Variants in LANCL1 observed in about 807,000 individuals in gnomAD.
LANCL1 encodes the protein glutathione S-transferase LANCL1.
LANCL1 carries 50 observed loss-of-function variants against 50.6 expected under a neutral mutation model. That is an observed-to-expected ratio of 0.99 (90% CI 0.79 to 1.25). The LOEUF (loss-of-function observed/expected upper bound fraction) is 1.25. LANCL1 is among the 50% of genes most tolerant of loss of function. The pLI is 0.00. For missense variants in LANCL1, 532 were observed against 480.7 expected, an observed-to-expected ratio of 1.11 and a Z score of -1.00; for synonymous variants, 188 against 178.6, an observed-to-expected ratio of 1.05 and a Z score of -0.42.
Position 210,444,265 on chromosome 2 carries a change from A to T in LANCL1, c.408-2822T>A, listed in dbSNP as rs1233779574. ...AACAATTGTTACCACCAGGCTATAGATACAGTGAGTGAAAACATCCTAGCT... is the reference window on the plus strand; with the variant it reads ...AACAATTGTTACCACCAGGCTATAGTTACAGTGAGTGAAAACATCCTAGCT... On this transcript the variant is annotated intron_variant, in intron 4 of 9. Transcript: ENST00000450366. 6.2e-4 allele frequency among the ~76,000 whole-genome samples: 95 copies of T among 152,210 alleles called. 2 individuals are homozygous for T.
chr2:210,454,617 T>G (rs1574428842), intron 4 of LANCL1, among the ~76,000 whole-genome samples: 1 of 152,266 alleles, frequency 6.6e-6, no homozygotes, highest in East Asian at 1.9e-4. Context: ...ACAATTAAAG[T>G]CTATTAGTAC....
chr2:210,441,546 G>C, intron 4 of LANCL1, 103 bp from the exon 5 acceptor site: 1 of 862,714 alleles, frequency 1.2e-6, no homozygotes, highest in South Asian at 2.0e-5. Context: ...CACAAAATAT[G>C]TATTTATACA....
chr2:210,476,329 T>C lies in LANCL1; in HGVS notation c.68A>G (p.Asp23Gly). The change falls in exon 2 of 10, where the codon GAT becomes GGT. Residue 23 changes from aspartate (D) to glycine (G), a missense_variant. Coordinates refer to ENST00000450366, the MANE Select transcript of LANCL1 (RefSeq NM_006055.3). ...YNKSLAEGYF[D>G]AAGRLTPEFS... ...TCCTAAACTCACCCTCCCGGCAGCA[T>C]CAAAGTAGCCTTCGGCCAGGGATTT... 2 of 1,613,688 alleles carry C rather than the reference T, an allele frequency of 1.2e-6. No individual in the cohort carries two copies. The highest frequency in any genetic ancestry group is 1.1e-5 in the South Asian group (1 of 91,072).
In LANCL1 at chr2:210,445,898, C is replaced by G. The variant is rs139507269; in HGVS notation, c.408-4455G>C. 3.9e-3 allele frequency among the ~76,000 whole-genome samples: 586 copies of G among 152,186 alleles called. 5 individuals are homozygous for G. The highest frequency in any genetic ancestry group is 0.013 in the African/African-American group (558 of 41,514). On this transcript the variant is annotated intron_variant, in intron 4 of 9. Coordinates refer to ENST00000450366, the MANE Select transcript of LANCL1 (RefSeq NM_006055.3). ...CCTTGTATTATCAAAAGGTTTGTAA[C>G]TTTAAAAACAGATGTCCAGTGTCTG...
At chr2:210,467,459 T>C (rs559463899) in intron 3 of LANCL1, among the ~76,000 whole-genome samples, 1 of 152,342 alleles carries the variant, frequency 6.6e-6, no homozygotes, top group East Asian at 1.9e-4. Context: ...TGAAGACCTT[T>C]ATAATGATCC....
intron 4 of LANCL1, among the ~76,000 whole-genome samples, chr2:210,443,817 G>A (rs1693224419): frequency 6.6e-6 from 1 of 151,146 alleles, no homozygotes; most frequent in Non-Finnish European, 1.5e-5. Context: ...TTTTCATATA[G>A]GAACTTTATC....
chr2:210,444,039 G>A (rs1237973398), intron 4 of LANCL1, among the ~76,000 whole-genome samples: 1 of 152,146 alleles, frequency 6.6e-6, no homozygotes, highest in African/African-American at 2.4e-5. Flanking sequence ...GTATGTATGT[G>A]TGTCTAAAGA....
At chr2:210,465,755 AG>A (rs1227679737) in intron 3 of LANCL1, among the ~76,000 whole-genome samples, 4 of 152,230 alleles carry the variant, frequency 2.6e-5, no homozygotes, top group Non-Finnish European at 5.9e-5. Context: ...CAGAAGCAGC[AG>A]CTTTTGCCAA....
At chr2:210,465,845 AC>A (rs1438182126) in intron 3 of LANCL1, among the ~76,000 whole-genome samples, 1 of 152,094 alleles carries the variant, frequency 6.6e-6, no homozygotes, top group African/African-American at 2.4e-5. Flanking sequence ...AAGGTTTTGA[AC>A]CCTATTCTGG....
Position 210,455,308 on chromosome 2 carries a change from G to T in LANCL1, c.206C>A (p.Ala69Asp), listed in dbSNP as rs1482994323. Residue 69 changes from alanine to aspartate, a missense_variant, in exon 4 of 10, where the codon GCT becomes GAT. Physicochemically the swap from Ala to Asp is moderately radical, Grantham distance 126. Coordinates refer to ENST00000450366, the MANE Select transcript of LANCL1 (RefSeq NM_006055.3). The part of the protein sequence containing the change: ...GTGYTGWAGI[A>D]VLYLHLYDVF... ...ATCATAAAGATGTAAGTAAAGCACA[G>T]CAATACCTGAAAAAAAAAAAAGGAA... 6.9e-7 allele frequency: 1 copy of T among 1,458,884 alleles called. No individual in the cohort carries two copies. The highest frequency in any genetic ancestry group is 1.8e-5 in the African/African-American group (1 of 54,242). 90.4% of individuals were successfully genotyped at this position (1,458,884 alleles called of 1,614,324 possible).
chr2:210,437,566 TA>T (rs1474545671), intron 7 of LANCL1, 123 bp downstream of exon 7: 8 of 532,066 alleles, frequency 1.5e-5, no homozygotes, highest in Non-Finnish European at 2.2e-5. Context: ...ATTCATTTAG[TA>T]AAGTGATCTT....
At chr2:210,450,379 A>G (rs1175817074) in intron 4 of LANCL1, among the ~76,000 whole-genome samples, 1 of 152,234 alleles carries the variant, frequency 6.6e-6, no homozygotes. Context: ...AAGGCCTAAA[A>G]CCATAAAATC....
rs1693638600 is a variant in LANCL1, at chr2:210,455,322, A to C, written c.200-8T>G. The C allele has an allele frequency of 6.3e-7, 1 of 1,595,662 alleles. No homozygotes were observed. The highest frequency in any genetic ancestry group is 1.4e-5 in the African/African-American group (1 of 73,614). On this transcript the variant is annotated splice_polypyrimidine_tract_variant and splice_region_variant and intron_variant, in intron 3 of 9. Coordinates refer to ENST00000450366, the MANE Select transcript of LANCL1 (RefSeq NM_006055.3). ...AGTAAAGCACAGCAATACCTGAAAA[A>C]AAAAAAAGGAAACAATGTAAAGATG... is the stretch of plus-strand genomic sequence containing the variant.
chr2:210,432,261 T>C lies in LANCL1; in HGVS notation c.*2226A>G, dbSNP rs1295416446. On this transcript the variant is annotated 3_prime_UTR_variant, in exon 10 of 10. Transcript: ENST00000450366. Reference sequence around the variant, plus strand: ...ATAAATACAACAAATAGCATACATATAAAATTGTGCCAGTTTAGTAAGTTT... The same window carrying C: ...ATAAATACAACAAATAGCATACATACAAAATTGTGCCAGTTTAGTAAGTTT... 2 of 152,272 alleles carry C rather than the reference T, an allele frequency of 1.3e-5. No homozygotes were observed. The highest frequency in any genetic ancestry group is 4.8e-5 in the African/African-American group (2 of 41,554). 9.4% of individuals were successfully genotyped at this position (152,272 alleles called of 1,614,324 possible). A position where few individuals can be genotyped will look rare whatever the true frequency, so the allele number is the denominator to read the frequency against.
intron 6 of LANCL1, 23 bp from the exon 7 acceptor site, chr2:210,437,895 T>A: frequency 6.4e-7 from 1 of 1,560,848 alleles, no homozygotes; most frequent in South Asian, 1.2e-5. Flanking sequence ...AGGAAATTAT[T>A]AGTTCTGCTG....
At chr2:210,475,777 T>C (rs1427632897) in intron 2 of LANCL1, among the ~76,000 whole-genome samples, 3 of 152,238 alleles carry the variant, frequency 2.0e-5, no homozygotes, top group Non-Finnish European at 4.4e-5. Flanking sequence ...CAGTTTAATT[T>C]ACAAGTTTCT....
chr2:210,457,440 G>C (rs1196151006), intron 3 of LANCL1, among the ~76,000 whole-genome samples: 2 of 152,060 alleles, frequency 1.3e-5, no homozygotes, highest in Non-Finnish European at 2.9e-5. Flanking sequence ...CACCACCTTT[G>C]AATCAATACC....
chr2:210,472,239 T>G (rs1482730475), intron 2 of LANCL1, among the ~76,000 whole-genome samples, 163 bp from the exon 3 acceptor site: 1 of 152,230 alleles, frequency 6.6e-6, no homozygotes, highest in Non-Finnish European at 1.5e-5. Flanking sequence ...CAACATCACA[T>G]TAACAAAATT....
intron 2 of LANCL1, among the ~76,000 whole-genome samples, chr2:210,472,689 C>T (rs1013057039): frequency 1.3e-5 from 2 of 152,214 alleles, no homozygotes; most frequent in African/African-American, 4.8e-5. Context: ...AGCCTGTCTA[C>T]ATCCTTACCC....
Sources: gnomAD v4.1 joint callset for allele counts (sites outside exome capture counted in the v4.1 genomes callset) on GRCh38, gnomAD v4.1.1 for gene constraint, MANE v1.5 for transcripts, NCBI Gene and HGNC (gene_info 2026-07-23, HGNC 2026-07-21) for gene names.